Variants in GPSM2 observed in about 807,000 individuals in gnomAD.
GPSM2 encodes G protein signaling modulator 2.
GPSM2 carries 58 observed loss-of-function variants against 78.4 expected under a neutral mutation model. That is an observed-to-expected ratio of 0.74 (90% CI 0.60 to 0.92). The LOEUF is 0.92. GPSM2 is among the 40% of genes least tolerant of loss of function. GPSM2 has a pLI of 0.00. For synonymous variants in GPSM2, 224 were observed against 280.2 expected, an observed-to-expected ratio of 0.80 and a Z score of 2.00; for missense variants, 700 against 815.5, an observed-to-expected ratio of 0.86 and a Z score of 1.73.
At chr1:108,923,955 T>G (rs750719557) in intron 13 of GPSM2, 45 bp from the exon 14 acceptor site, 10 of 1,420,428 alleles carry the variant, frequency 7.0e-6, no homozygotes, top group Non-Finnish European at 9.9e-6. Context: ...TTGTTTTTTG[T>G]TTTTTGTTTT....
chr1:108,900,705 G>A (rs745877652), intron 7 of GPSM2, among the ~76,000 whole-genome samples: 1 of 152,212 alleles, frequency 6.6e-6, no homozygotes, highest in Non-Finnish European at 1.5e-5. Context: ...TGGTATGCCA[G>A]AAAGCATTAT....
At chr1:108,915,053 C>T (rs901459699) in intron 11 of GPSM2, among the ~76,000 whole-genome samples, 1 of 152,034 alleles carries the variant, frequency 6.6e-6, no homozygotes, top group African/African-American at 2.4e-5. Context: ...TTTCCGTTTC[C>T]TTTGAACTGA....
rs929724971 is a variant in GPSM2 at position 108,931,145 on chromosome 1, T to G, written c.*1205T>G. 26 of 603,354 alleles carry G rather than the reference T, an allele frequency of 4.3e-5. No homozygotes were observed. The highest frequency in any genetic ancestry group is 6.6e-5 in the Non-Finnish European group (25 of 378,226). 37.4% of individuals were successfully genotyped at this position (603,354 alleles called of 1,614,324 possible). ...CCATAATACTGCTGTAAAACAAACT[T>G]TTCTAAGTTCTAATATAAAAACAAA... On this transcript the variant is annotated 3_prime_UTR_variant, in exon 15 of 15. Transcript: ENST00000264126.
intron 1 of GPSM2, among the ~76,000 whole-genome samples, chr1:108,883,651 G>A (rs901949768): frequency 6.6e-6 from 1 of 152,064 alleles, no homozygotes; most frequent in Non-Finnish European, 1.5e-5. Context: ...TGTTATCTCA[G>A]AGGTTATAGT....
intron 11 of GPSM2, among the ~76,000 whole-genome samples, chr1:108,915,564 C>T (rs1042056218): frequency 8.6e-5 from 13 of 151,068 alleles, no homozygotes; most frequent in African/African-American, 3.2e-4. Flanking sequence ...GTAGCTGGGA[C>T]TGCAGGCGGG....
intron 10 of GPSM2, among the ~76,000 whole-genome samples, chr1:108,910,192 A>T (rs1238617407): frequency 6.6e-6 from 1 of 152,158 alleles, no homozygotes; most frequent in African/African-American, 2.4e-5. Flanking sequence ...GAAATGGGCA[A>T]TTTCTGGAAA....
chr1:108,885,924 A>G (rs905938312), intron 2 of GPSM2, among the ~76,000 whole-genome samples: 2 of 152,172 alleles, frequency 1.3e-5, no homozygotes, highest in African/African-American at 2.4e-5. Flanking sequence ...TGAAGGACCA[A>G]ACCTTTGCAT....
chr1:108,929,252 C>T (rs1348835984), intron 14 of GPSM2, among the ~76,000 whole-genome samples: 1 of 152,058 alleles, frequency 6.6e-6, no homozygotes, highest in African/African-American at 2.4e-5. Context: ...TTTGCTGTCC[C>T]CTAGCCTAAG....
At chr1:108,879,137 A>G (rs954676385) in intron 1 of GPSM2, among the ~76,000 whole-genome samples, 2 of 152,232 alleles carry the variant, frequency 1.3e-5, no homozygotes, top group African/African-American at 4.8e-5. Context: ...TATATTTTCA[A>G]TATCTTCTTA....
In GPSM2 at chr1:108,929,709, A is replaced by G. The variant is rs1390844772; in HGVS notation, c.1824A>G (p.Arg608=). 1.2e-6 allele frequency: 2 copies of G among 1,613,338 alleles called. No homozygotes were observed. Among genetic ancestry groups the G allele is most frequent in the Non-Finnish European group, 1.7e-6 (2 of 1,179,452 alleles). ...CTCTCATAAACTTCTAGGGATCCAG[A>G]TTAGATGATCAAAGATGTGCTCCAC... ...FDILVKCQGS[R]LDDQRCAPPP... is the part of the protein sequence containing the mutation. Residue 608 remains arginine, a synonymous_variant, in exon 15 of 15, where the codon AGA becomes AGG. Coordinates refer to ENST00000264126, the MANE Select transcript of GPSM2 (RefSeq NM_013296.5).
At chr1:108,880,507 G>A (rs1266862667) in intron 1 of GPSM2, among the ~76,000 whole-genome samples, 1 of 151,720 alleles carries the variant, frequency 6.6e-6, no homozygotes, top group Non-Finnish European at 1.5e-5. Flanking sequence ...TTGAACCCAG[G>A]ACGTGGAGGT....
intron 10 of GPSM2, among the ~76,000 whole-genome samples, chr1:108,905,091 T>C (rs1432359159): frequency 6.6e-6 from 1 of 152,238 alleles, no homozygotes; most frequent in Non-Finnish European, 1.5e-5. Flanking sequence ...GCTAGTCATC[T>C]GATTTAGATT....
At chr1:108,916,676 A>C (rs900453374) in intron 11 of GPSM2, among the ~76,000 whole-genome samples, 1 of 152,254 alleles carries the variant, frequency 6.6e-6, no homozygotes, top group African/African-American at 2.4e-5. Flanking sequence ...GTTATGTAAG[A>C]AGCTGACCAG....
chr1:108,905,123 A>G (rs1649116839), intron 10 of GPSM2, among the ~76,000 whole-genome samples: 1 of 152,226 alleles, frequency 6.6e-6, no homozygotes, highest in South Asian at 2.1e-4. Flanking sequence ...TTTAGTGAAA[A>G]GTTCTGAAGT....
At chr1:108,902,338 G>A (rs558038456) in intron 8 of GPSM2, among the ~76,000 whole-genome samples, 18 of 149,120 alleles carry the variant, frequency 1.2e-4, no homozygotes, top group African/African-American at 3.2e-4. Flanking sequence ...CTGAGATCAC[G>A]CCACTGCGCT....
At chr1:108,918,122 C>A (rs1325685603) in intron 11 of GPSM2, among the ~76,000 whole-genome samples, 1 of 152,114 alleles carries the variant, frequency 6.6e-6, no homozygotes, top group African/African-American at 2.4e-5. Flanking sequence ...TAAACCAGAT[C>A]TAGACCTTTA....
chr1:108,928,896 G>T (rs1015727927), intron 14 of GPSM2, among the ~76,000 whole-genome samples: 4 of 150,348 alleles, frequency 2.7e-5, no homozygotes, highest in African/African-American at 4.9e-5. Flanking sequence ...GGCTGAGGCT[G>T]AAGAATCACT....
At chr1:108,916,796 G>T (rs1570941126) in intron 11 of GPSM2, among the ~76,000 whole-genome samples, 4 of 152,126 alleles carry the variant, frequency 2.6e-5, no homozygotes. Context: ...TCATAATAAA[G>T]CTGTCAAAGA....
At position 108,929,928 on chromosome 1, in the gene GPSM2, G is replaced by C; in HGVS notation, c.2043G>C (p.Ser681=). 4 of 1,613,262 alleles carry C rather than the reference G, an allele frequency of 2.5e-6. No individual in the cohort carries two copies. The highest frequency in any genetic ancestry group is 3.4e-6 in the Non-Finnish European group (4 of 1,179,364). ...AGTTTAAAAATTCAGGGAAAAAATC[G>C]GCAGACCATTAGTTACTATGGATTT... ...LLEFKNSGKK[S]ADH is the part of the protein sequence containing the mutation. The change falls in exon 15 of 15, where the codon TCG becomes TCC. Residue 681 remains serine, a synonymous_variant. Coordinates refer to ENST00000264126, the MANE Select transcript of GPSM2 (RefSeq NM_013296.5).
Sources: gnomAD v4.1 joint callset for allele counts (sites outside exome capture counted in the v4.1 genomes callset) on GRCh38, gnomAD v4.1.1 for gene constraint, MANE v1.5 for transcripts, NCBI Gene and HGNC (gene_info 2026-07-23, HGNC 2026-07-21) for gene names.